The following COCH variants were observed in gnomAD, a reference collection of about 807,000 sequenced individuals.
COCH encodes coagulation factor C homolog, cochlin (Limulus polyphemus).
A neutral mutation model predicts 54.8 loss-of-function variants in COCH; 40 were observed. That is an observed-to-expected ratio of 0.73 (90% confidence interval 0.57 to 0.95). The LOEUF is 0.95. COCH is among the 40% of genes least tolerant of loss of function. The pLI is 0.00. For synonymous variants in COCH, 256 were observed against 237.9 expected (o/e 1.08, Z -0.70); for missense variants, 605 against 675.0 (o/e 0.90, Z 1.15).
At chr14:30,875,167 G>C in intron 3 of COCH, 64 bp downstream of exon 3, 1 of 1,538,758 alleles carries the variant, frequency 6.5e-7, no homozygotes, top group Non-Finnish European at 8.7e-7. Context: ...GGGTACAAGC[G>C]GGACTCAGAT....
At position 30,880,478 on chromosome 14, in the gene COCH, A is replaced by G; in HGVS notation, c.463A>G (p.Lys155Glu). 6.2e-7 allele frequency: 1 copy of G among 1,614,146 alleles called. No homozygotes were observed. The highest frequency in any genetic ancestry group is 8.5e-7 in the Non-Finnish European group (1 of 1,180,012). ...TAAACGACTAAAGAAAACACCCGAG[A>G]AGAAAACTGGCAATAAAGGTAAGAA... ...TGKRLKKTPE[K>E]KTGNKDCKAD... The change falls in exon 7 of 12, where the codon AAG becomes GAG. Residue 155 changes from lysine (K) to glutamate (E), a missense_variant. Lys to Glu is a moderately conservative substitution (Grantham distance 56, BLOSUM62 1). Coordinates refer to ENST00000396618, the MANE Select transcript of COCH (RefSeq NM_004086.3).
intron 8 of COCH, among the ~76,000 whole-genome samples, chr14:30,882,137 T>TGTTTTG (rs1895629300): frequency 7.8e-6 from 1 of 127,644 alleles, no homozygotes; most frequent in African/African-American, 3.0e-5. Flanking sequence ...TTTTTTTTTT[T>TGTTTTG]TTTTTTTTTT....
intron 1 of COCH, 102 bp downstream of exon 1, chr14:30,874,693 C>G (rs1043962868): frequency 5.0e-6 from 3 of 597,818 alleles, no homozygotes; most frequent in African/African-American, 1.9e-5. Context: ...TTTGGCGCCC[C>G]CGCCTCCCCG....
At position 30,877,812 on chromosome 14, in the gene COCH, C is replaced by T. The variant is rs1895423723; in HGVS notation, c.239+84C>T. ...CTTTACCCATCTGGATCCCTTTCCTCCCTGCATTCTTTCTTTTGTTGCCAT... is the reference window on the plus strand; with the variant it reads ...CTTTACCCATCTGGATCCCTTTCCTTCCTGCATTCTTTCTTTTGTTGCCAT... On this transcript the variant is annotated intron_variant, in intron 4 of 11. Transcript: ENST00000396618. This position sits in a 1 kb window ranked among gnomAD's most constrained non-coding sequence, Gnocchi z 8.6. The T allele has an allele frequency of 3.8e-6, 6 of 1,596,282 alleles. No individual in the cohort carries two copies. The South Asian group carries it at 4.5e-5, about 12-fold the overall frequency.
chr14:30,891,734 A>G (rs922218407), downstream of COCH, among the ~76,000 whole-genome samples: 2 of 152,182 alleles, frequency 1.3e-5, no homozygotes, highest in Admixed American at 1.3e-4. Flanking sequence ...CCCTTTTAAG[A>G]AAGTGGTTTT....
chr14:30,892,809 T>C (rs543534692), downstream of COCH, among the ~76,000 whole-genome samples: 1 of 144,548 alleles, frequency 6.9e-6, no homozygotes, highest in African/African-American at 2.5e-5. Context: ...CTCCGCTCCA[T>C]CTCAAAAAAA....
rs1444750614 is a variant in COCH, at chr14:30,889,819, A to AT, written c.*28_*29insT. On this transcript the variant is annotated 3_prime_UTR_variant, in exon 12 of 12. Coordinates refer to ENST00000396618, the MANE Select transcript of COCH (RefSeq NM_004086.3). ...GTAACATTTTGACAACTGAAAGAAA[A>AT]AGTACAAGGGGATCCAGTGTGTAAA... 1 of 1,605,538 alleles carries AT rather than the reference A, an allele frequency of 6.2e-7. No homozygotes were observed. The highest frequency in any genetic ancestry group is 8.5e-7 in the Non-Finnish European group (1 of 1,174,168).
At chr14:30,880,862 A>C (rs1895555338) in intron 8 of COCH, 128 bp downstream of exon 8, 3 of 732,520 alleles carry the variant, frequency 4.1e-6, no homozygotes, top group East Asian at 5.4e-5. Context: ...GTCAAATCAG[A>C]GTAATTAGCA....
chr14:30,877,557 C>T lies in COCH; in HGVS notation c.83-15C>T. 6.2e-7 allele frequency: 1 copy of T among 1,613,806 alleles called. No homozygotes were observed. Among genetic ancestry groups the T allele is most frequent in the Non-Finnish European group, 8.5e-7 (1 of 1,180,010 alleles). ...GTCCTAAGAATGCTTACAATATTAT[C>T]TCCTTTTTCTTCAGCTCCCATTGCT... On this transcript the variant is annotated splice_polypyrimidine_tract_variant and intron_variant, in intron 3 of 11. Transcript: ENST00000396618. This position sits in a 1 kb window ranked among gnomAD's most constrained non-coding sequence, Gnocchi z 8.6.
rs764461865 is a variant in COCH, at chr14:30,884,961, AAC to A, written c.733+307_733+308del. ...GTAATGCTAAAAAGAAGTGAAAATC[AAC>A]AGACTTATCTAATGAATGCAGATGT... On this transcript the variant is annotated intron_variant, in intron 9 of 11. Coordinates refer to ENST00000396618, the MANE Select transcript of COCH (RefSeq NM_004086.3). The A allele has an allele frequency of 1.9e-6, 3 of 1,598,258 alleles. No individual in the cohort carries two copies. The Admixed American group carries it at 5.0e-5, about 27-fold the overall frequency.
rs1486279712 is a variant in COCH, at chr14:30,885,864, A to G, written c.1029A>G (p.Val343=). The G allele has an allele frequency of 1.9e-6, 3 of 1,614,036 alleles. No individual in the cohort carries two copies. The highest frequency in any genetic ancestry group is 2.5e-6 in the Non-Finnish European group (3 of 1,179,994). Residue 343 remains valine, a synonymous_variant, in exon 11 of 12, where the codon GTA becomes GTG. Coordinates refer to ENST00000396618, the MANE Select transcript of COCH (RefSeq NM_004086.3). ...MPNWFGTTKY[V]KPLVQKLCTH... ...ACTGGTTTGGCACCACAAAATACGT[A>G]AAGCCTCTGGTACAGAAGCTGTGCA...
chr14:30,885,076 C>G, intron 9 of COCH: 4 of 1,577,590 alleles, frequency 2.5e-6, no homozygotes, highest in Non-Finnish European at 3.4e-6. Flanking sequence ...ACATAGAGAG[C>G]ACATGCATGG....
Position 30,889,728 on chromosome 14 carries a change from A to C in COCH, c.1590A>C (p.Leu530Phe). 6.2e-7 allele frequency: 1 copy of C among 1,613,944 alleles called. No homozygotes were observed. Among genetic ancestry groups the C allele is most frequent in the Non-Finnish European group, 8.5e-7 (1 of 1,179,798 alleles). The change falls in exon 12 of 12, where the codon TTA becomes TTC. Residue 530 changes from leucine (L) to phenylalanine (F), a missense_variant. Leu to Phe is a conservative substitution (Grantham distance 22). Transcript: ENST00000396618. Reference sequence around the variant, plus strand: ...TCTTCACAAGAGAGTTCACAGGATTAGAACCAATTGTTTCTGATGTCATCA... The same window carrying C: ...TCTTCACAAGAGAGTTCACAGGATTCGAACCAATTGTTTCTGATGTCATCA... ...HAFFTREFTG[L>F]EPIVSDVIRG...
rs1462675167 is a variant in COCH, at chr14:30,877,508, C to T, written c.83-64C>T. 4.4e-6 allele frequency: 7 copies of T among 1,591,312 alleles called. No individual in the cohort carries two copies. The highest frequency in any genetic ancestry group is 2.2e-5 in the East Asian group (1 of 44,778). ...TAAAACTTAAATCTCACACTGTAGT[C>T]TCCCCACCACTATGCCCCAAGAAGT... On this transcript the variant is annotated intron_variant, in intron 3 of 11. Transcript: ENST00000396618. The surrounding 1 kb of genome is among the most constrained non-coding windows in gnomAD (Gnocchi z 8.6).
At chr14:30,885,671 G>A (rs1237156650) in intron 10 of COCH, 51 bp downstream of exon 10, 2 of 1,467,370 alleles carry the variant, frequency 1.4e-6, no homozygotes, top group Admixed American at 3.3e-5. Flanking sequence ...TTCCATTTTG[G>A]ACCTCTAAGT....
At position 30,889,598 on chromosome 14, in the gene COCH, A is replaced by C. The variant is rs752392390; in HGVS notation, c.1478-18A>C. 2 of 1,610,898 alleles carry C rather than the reference A, an allele frequency of 1.2e-6. No homozygotes were observed. The highest frequency in any genetic ancestry group is 1.1e-5 in the South Asian group (1 of 90,992). On this transcript the variant is annotated intron_variant, in intron 11 of 11. Transcript: ENST00000396618. ...CTAGACCTGATTTTCAATTCACTTT[A>C]AAATGTTTTCATTGTAGGAATCACT...
Position 30,878,989 on chromosome 14 carries a change from C to T in COCH, c.373+45C>T, listed in dbSNP as rs769110052. 6.8e-6 allele frequency: 11 copies of T among 1,610,562 alleles called. No homozygotes were observed. The African/African-American group carries it at 1.3e-4, about 20-fold the overall frequency. ...TCATTCTGTAATATTCTCCCACCCC[C>T]CAAACGTTTTCTGCTTTTTTTAGCT... is the stretch of plus-strand genomic sequence containing the variant. On this transcript the variant is annotated intron_variant, in intron 5 of 11. Coordinates refer to ENST00000396618, the MANE Select transcript of COCH (RefSeq NM_004086.3).
intron 3 of COCH, 179 bp downstream of exon 3, chr14:30,875,282 C>G (rs1363793822): frequency 6.8e-6 from 6 of 879,684 alleles, no homozygotes; most frequent in Non-Finnish European, 8.5e-6. Flanking sequence ...TGCTCCTGCT[C>G]ACCTGTTTCT....
At chr14:30,883,991 T>C (rs1895697233) in intron 8 of COCH, among the ~76,000 whole-genome samples, 1 of 151,984 alleles carries the variant, frequency 6.6e-6, no homozygotes, top group African/African-American at 2.4e-5. Context: ...TCTGAGTTAA[T>C]AGATCCACAC....
Sources: allele counts gnomAD v4.1 joint callset (sites outside exome capture counted in the v4.1 genomes callset), GRCh38; gene constraint gnomAD v4.1.1; non-coding constraint Gnocchi (gnomAD v3.1); transcripts MANE v1.5; gene names NCBI Gene and HGNC (gene_info 2026-07-23, HGNC 2026-07-21).